Variants in SLC6A15 observed in about 807,000 individuals in gnomAD.
The protein encoded by SLC6A15 is solute carrier family 6 member 15, also known as sodium-dependent neutral amino acid transporter B(0)AT2.
In SLC6A15, 33 loss-of-function variants were observed where a neutral mutation model predicts 68.5. That is an observed-to-expected ratio of 0.48 (90% CI 0.37 to 0.64). The LOEUF (loss-of-function observed/expected upper bound fraction) is 0.64, where lower values mean the gene tolerates loss of function less well. SLC6A15 is among the 30% of genes least tolerant of loss of function. SLC6A15 has a pLI of 0.00. For synonymous variants in SLC6A15, 347 were observed against 301.0 expected, an observed-to-expected ratio of 1.15 and a Z score of -1.58; for missense variants, 747 against 874.3, an observed-to-expected ratio of 0.85 and a Z score of 1.84.
At chr12:84,889,977 C>T (rs1449018038) in intron 2 of SLC6A15, among the ~76,000 whole-genome samples, 1 of 151,918 alleles carries the variant, frequency 6.6e-6, no homozygotes, top group Non-Finnish European at 1.5e-5. Context: ...TCAAAAAGTG[C>T]TTAAGTGATT....
intron 5 of SLC6A15, among the ~76,000 whole-genome samples, chr12:84,877,994 G>A (rs1871635411): frequency 6.6e-6 from 1 of 152,086 alleles, no homozygotes; most frequent in South Asian, 2.1e-4. Flanking sequence ...TGGAACAATG[G>A]AGGAAAAAGT....
At chr12:84,899,214 C>A (rs1378284255) in intron 1 of SLC6A15, among the ~76,000 whole-genome samples, 1 of 152,098 alleles carries the variant, frequency 6.6e-6, no homozygotes, top group African/African-American at 2.4e-5. Flanking sequence ...GCCTCATTGA[C>A]CAAAGAAAGT....
intron 5 of SLC6A15, chr12:84,883,358 T>C (rs901799976): frequency 1.0e-6 from 1 of 993,380 alleles, no homozygotes; most frequent in Non-Finnish European, 1.2e-6. Context: ...GAATTATTAT[T>C]AACTACTTAA....
rs1284699921 is a variant in SLC6A15 at position 84,873,280 on chromosome 12, C to T, written c.916G>A (p.Val306Met). ...PKVWREAATQ[V>M]FFALGLGFGG... The stretch of plus-strand genomic sequence containing the variant: ...AATCCCAGACCTAAGGCAAAGAACA[C>T]TTGAGTAGCAGCTTCTCTCCAGACC... The change falls in exon 7 of 12, where the codon GTG becomes ATG. Residue 306 changes from valine to methionine, a missense_variant. Coordinates refer to ENST00000266682, the MANE Select transcript of SLC6A15 (RefSeq NM_182767.6). 6.2e-7 allele frequency: 1 copy of T among 1,614,080 alleles called. No homozygotes were observed.
chr12:84,875,391 A>G (rs533655257), intron 6 of SLC6A15, among the ~76,000 whole-genome samples: 2 of 151,836 alleles, frequency 1.3e-5, no homozygotes, highest in Non-Finnish European at 2.9e-5. Flanking sequence ...TTTTGCTACT[A>G]CAGAATGAAT....
intron 1 of SLC6A15, among the ~76,000 whole-genome samples, chr12:84,899,015 C>A (rs1872743201): frequency 6.6e-6 from 1 of 152,324 alleles, no homozygotes; most frequent in East Asian, 1.9e-4. Context: ...CTAATATGGT[C>A]TAACTGACAT....
chr12:84,889,025 C>T (rs1394767144), intron 2 of SLC6A15, among the ~76,000 whole-genome samples: 1 of 152,098 alleles, frequency 6.6e-6, no homozygotes, highest in African/African-American at 2.4e-5. Context: ...ATCCTCATTC[C>T]GGAGACGTCC....
intron 1 of SLC6A15, among the ~76,000 whole-genome samples, chr12:84,899,314 G>A (rs565428505): frequency 8.5e-5 from 13 of 152,074 alleles, no homozygotes; most frequent in South Asian, 4.1e-4. Flanking sequence ...AAAGGCATGC[G>A]TAGAAAGGAA....
intron 8 of SLC6A15, among the ~76,000 whole-genome samples, 178 bp downstream of exon 8, chr12:84,872,424 A>T (rs1169524224): frequency 6.6e-6 from 1 of 152,282 alleles, no homozygotes; most frequent in East Asian, 1.9e-4. Flanking sequence ...TTAAGAAAAC[A>T]TATTCTCTAA....
At chr12:84,908,632 C>T (rs540281782) in intron 1 of SLC6A15, among the ~76,000 whole-genome samples, 3 of 143,560 alleles carry the variant, frequency 2.1e-5, no homozygotes, top group African/African-American at 7.9e-5. Flanking sequence ...ATATATCTTC[C>T]TACCCTTTCT....
chr12:84,910,356 A>T (rs1873377640), intron 1 of SLC6A15, among the ~76,000 whole-genome samples: 1 of 152,236 alleles, frequency 6.6e-6, no homozygotes, highest in South Asian at 2.1e-4. Flanking sequence ...ATTCCATTTT[A>T]AATTTGTTGG....
intron 5 of SLC6A15, among the ~76,000 whole-genome samples, chr12:84,878,294 A>T (rs996680836): frequency 2.6e-5 from 4 of 152,104 alleles, no homozygotes; most frequent in Non-Finnish European, 5.9e-5. Flanking sequence ...CTTCACTCAA[A>T]TTTTTTGATT....
chr12:84,896,642 T>C (rs1429324389), intron 1 of SLC6A15, among the ~76,000 whole-genome samples: 1 of 152,166 alleles, frequency 6.6e-6, no homozygotes, highest in East Asian at 1.9e-4. Flanking sequence ...TGAAAATGCG[T>C]AGTTCCAAAT....
chr12:84,870,413 A>C (rs1871237072), intron 9 of SLC6A15, 65 bp downstream of exon 9: 1 of 1,193,016 alleles, frequency 8.4e-7, no homozygotes, highest in Non-Finnish European at 1.1e-6. Flanking sequence ...TTTCATCTCT[A>C]ATCTTTCACC....
chr12:84,872,504 C>T lies in SLC6A15; in HGVS notation c.1302+98G>A, dbSNP rs866764313. On this transcript the variant is annotated intron_variant, in intron 8 of 11. Coordinates refer to ENST00000266682, the MANE Select transcript of SLC6A15 (RefSeq NM_182767.6). ...TCTCCGGGCATTTTAAGAGCTTCTT[C>T]GGGCATTTTAAGGCCCTTTTCCTGA... The T allele has an allele frequency of 2.3e-4, 205 of 875,978 alleles. No homozygotes were observed. In the Middle Eastern group the frequency reaches 3.6e-3, roughly 15 times the overall value. 54.3% of individuals were successfully genotyped at this position (875,978 alleles called of 1,614,324 possible). A position where few individuals can be genotyped will look rare whatever the true frequency, so the allele number is the denominator to read the frequency against.
intron 2 of SLC6A15, among the ~76,000 whole-genome samples, chr12:84,889,563 G>T (rs892876197): frequency 4.0e-5 from 6 of 151,556 alleles, no homozygotes; most frequent in African/African-American, 1.5e-4. Context: ...GAGTCTTTGG[G>T]TCTTCATTTC....
At chr12:84,862,074 T>C (rs1870878378) in intron 11 of SLC6A15, 68 bp from the exon 12 acceptor site, 1 of 1,438,148 alleles carries the variant, frequency 7.0e-7, no homozygotes, top group Non-Finnish European at 9.3e-7. Context: ...AATATTGTAC[T>C]TGCTTCAAGT....
In SLC6A15 at chr12:84,861,095, T is replaced by G. The variant is rs1870825382; in HGVS notation, c.*537A>C. 1 of 152,416 alleles carries G rather than the reference T, an allele frequency of 6.6e-6. No homozygotes were observed. Among genetic ancestry groups the G allele is most frequent in the South Asian group, 2.1e-4 (1 of 4,840 alleles). The allele number at this position is 152,416 out of a possible 1,614,324, so 9.4% of individuals were successfully genotyped here. On this transcript the variant is annotated 3_prime_UTR_variant, in exon 12 of 12. Coordinates refer to ENST00000266682, the MANE Select transcript of SLC6A15 (RefSeq NM_182767.6). ...GCTATTGCTCTATACAGCTATTACA[T>G]AAGAAAATATTTTGCAGTTTTCTTC...
rs747816417 is a variant in SLC6A15, at chr12:84,861,896, G to A, written c.1929C>T (p.Asn643=). 13 of 1,613,794 alleles carry A rather than the reference G, an allele frequency of 8.1e-6. 1 individual carries two copies. Among genetic ancestry groups the A allele is most frequent in the Middle Eastern group, 1.6e-4 (1 of 6,082 alleles). The stretch of plus-strand genomic sequence containing the variant: ...AATTACCAGAACTATCATCTATAAG[G>A]TTGAAGCGACGAACAATGAAAACTA... ...VPVVFIVRRF[N]LIDDSSGNLA... is the part of the protein sequence containing the mutation. The change falls in exon 12 of 12, where the codon AAC becomes AAT. Residue 643 remains asparagine (N), a synonymous_variant. Coordinates refer to ENST00000266682, the MANE Select transcript of SLC6A15 (RefSeq NM_182767.6).
Sources: allele counts gnomAD v4.1 joint callset (sites outside exome capture counted in the v4.1 genomes callset), GRCh38; gene constraint gnomAD v4.1.1; transcripts MANE v1.5; gene names NCBI Gene and HGNC (gene_info 2026-07-23, HGNC 2026-07-21).